Variants in TRDMT1 observed in about 807,000 individuals in gnomAD.
TRDMT1 encodes tRNA aspartic acid methyltransferase 1.
In TRDMT1, 49 loss-of-function variants were observed where a neutral mutation model predicts 51.2. The ratio of observed to expected loss-of-function variants is 0.96; its 90% CI spans 0.76 to 1.21. TRDMT1 has a LOEUF of 1.21. Ranked by LOEUF, TRDMT1 falls within the 50% of genes most tolerant of loss-of-function variation. The pLI, the probability that TRDMT1 is intolerant of heterozygous loss-of-function variation, is 0.00. For missense variants in TRDMT1, 534 were observed against 462.3 expected, an observed-to-expected ratio of 1.16 and a Z score of -1.42; for synonymous variants, 187 against 164.6, an observed-to-expected ratio of 1.14 and a Z score of -1.04.
At chr10:17,179,835 T>C (rs1843054791) in intron 1 of TRDMT1, among the ~76,000 whole-genome samples, 1 of 151,772 alleles carries the variant, frequency 6.6e-6, no homozygotes, top group Admixed American at 6.6e-5. Flanking sequence ...AAAGCTTTCC[T>C]GACCTTGCTA....
intron 1 of TRDMT1, among the ~76,000 whole-genome samples, chr10:17,183,617 C>G (rs1843539480): frequency 6.6e-6 from 1 of 152,132 alleles, no homozygotes; most frequent in Non-Finnish European, 1.5e-5. Context: ...CAGGGTTTCA[C>G]CACATTGGCC....
intron 1 of TRDMT1, among the ~76,000 whole-genome samples, chr10:17,186,083 A>ATAAATAAATAAG (rs1843867809): frequency 1.3e-5 from 2 of 149,286 alleles, no homozygotes; most frequent in South Asian, 4.2e-4. Context: ...AAATAAATAA[A>ATAAATAAATAAG]TAAATATGGT....
intron 1 of TRDMT1, among the ~76,000 whole-genome samples, chr10:17,187,534 A>C (rs368286891): frequency 6.6e-6 from 1 of 152,216 alleles, no homozygotes; most frequent in East Asian, 1.9e-4. Flanking sequence ...GTGCTTTTAG[A>C]TCCAAGGATA....
In TRDMT1 at chr10:17,144,651, T is replaced by C. The variant is rs978788998; in HGVS notation, c.*4389A>G. 1.0e-6 allele frequency: 1 copy of C among 985,134 alleles called. No homozygotes were observed. The highest frequency in any genetic ancestry group is 1.2e-6 in the Non-Finnish European group (1 of 829,850). The allele number at this position is 985,134 out of a possible 1,614,324, so 61.0% of individuals were successfully genotyped here. A position where few individuals can be genotyped will look rare whatever the true frequency, so the allele number is the denominator to read the frequency against. On this transcript the variant is annotated 3_prime_UTR_variant, in exon 11 of 11. Coordinates refer to ENST00000377799, the MANE Select transcript of TRDMT1 (RefSeq NM_004412.7). ...TACATGCTCATATTTCTTGAACAAA[T>C]ATATTTAAAAAGAAATAAATTCACA...
In TRDMT1 at chr10:17,162,493, G is replaced by C. The variant is rs149846244; in HGVS notation, c.252-256C>G. ...GAGGTGAGGCAGGTGGATCACGTGA[G>C]GCCAGGAGTTCGGGACCAGCCTGGC... On this transcript the variant is annotated intron_variant, in intron 3 of 10. Coordinates refer to ENST00000377799, the MANE Select transcript of TRDMT1 (RefSeq NM_004412.7). 7.9e-3 allele frequency among the ~76,000 whole-genome samples: 1,199 copies of C among 152,256 alleles called. 15 individuals carry two copies. The highest frequency in any genetic ancestry group is 0.027 in the African/African-American group (1,131 of 41,550).
intron 9 of TRDMT1, 82 bp from the exon 10 acceptor site, chr10:17,153,718 G>C: frequency 7.1e-7 from 1 of 1,398,622 alleles, no homozygotes; most frequent in East Asian, 2.4e-5. Flanking sequence ...GTTGAAACTC[G>C]ATGGACATAC....
intron 2 of TRDMT1, chr10:17,169,179 C>G: frequency 1.8e-6 from 1 of 542,376 alleles, no homozygotes; most frequent in Non-Finnish European, 2.9e-6. Context: ...TTTCCTGGAT[C>G]CTAAGCACAT....
intron 10 of TRDMT1, among the ~76,000 whole-genome samples, chr10:17,149,599 T>C (rs1838431939): frequency 6.6e-6 from 1 of 152,148 alleles, no homozygotes; most frequent in Admixed American, 6.6e-5. Context: ...TTCCAGAATA[T>C]TTTCATTTCT....
At chr10:17,189,277 A>G (rs570944324) in intron 1 of TRDMT1, among the ~76,000 whole-genome samples, 1 of 152,326 alleles carries the variant, frequency 6.6e-6, no homozygotes, top group Non-Finnish European at 1.5e-5. Context: ...TGGGATCACA[A>G]GCGTTTTGAA....
chr10:17,200,297 A>T (rs1292318322), intron 1 of TRDMT1, among the ~76,000 whole-genome samples: 1 of 152,236 alleles, frequency 6.6e-6, no homozygotes, highest in Non-Finnish European at 1.5e-5. Flanking sequence ...GAGTTTCAAG[A>T]TATGGGAAAA....
At chr10:17,162,378 T>C (rs1564284183) in intron 3 of TRDMT1, 141 bp from the exon 4 acceptor site, 8 of 725,026 alleles carry the variant, frequency 1.1e-5, no homozygotes, top group Non-Finnish European at 1.3e-5. Flanking sequence ...GTCATCTTTG[T>C]TGTTACAGAG....
intron 3 of TRDMT1, among the ~76,000 whole-genome samples, chr10:17,166,600 T>C (rs1588568086): frequency 6.6e-6 from 1 of 152,378 alleles, no homozygotes; most frequent in South Asian, 2.1e-4. Flanking sequence ...TCATACCTGA[T>C]GGCAGGACCA....
At chr10:17,187,005 A>C (rs7921162) in intron 1 of TRDMT1, among the ~76,000 whole-genome samples, 1 of 152,060 alleles carries the variant, frequency 6.6e-6, no homozygotes, top group Non-Finnish European at 1.5e-5. Context: ...CACCAGTGTT[A>C]TGTCAGTGTT....
In TRDMT1 at chr10:17,148,984, T is replaced by G. The variant is rs1838350003; in HGVS notation, c.*56A>C. ...ATTAGTTCAAAACAGAATTTCAGAA[T>G]TACTCTCTGAAAATGAAGGAATATC... On this transcript the variant is annotated 3_prime_UTR_variant, in exon 11 of 11. Transcript: ENST00000377799. The G allele has an allele frequency of 4.0e-6, 6 of 1,491,530 alleles. No homozygotes were observed. Among genetic ancestry groups the G allele is most frequent in the Non-Finnish European group, 5.4e-6 (6 of 1,113,158 alleles). The allele number at this position is 1,491,530 out of a possible 1,614,324, so 92.4% of individuals were successfully genotyped here. A position where few individuals can be genotyped will look rare whatever the true frequency, so the allele number is the denominator to read the frequency against.
At position 17,137,363 on chromosome 10, in the gene TRDMT1, C is replaced by T. The variant is rs1387708340; in HGVS notation, c.*11677G>A. ...AATTTGAAAGAAGTAAATTTATTGA[C>T]CTTCTCTGATTTACAATAAAGTCGT... On this transcript the variant is annotated 3_prime_UTR_variant, in exon 11 of 11. Transcript: ENST00000377799. The T allele has an allele frequency of 1.3e-5, 2 of 152,260 alleles. No homozygotes were observed. The highest frequency in any genetic ancestry group is 3.9e-4 in the East Asian group (2 of 5,178). 9.4% of individuals were successfully genotyped at this position (152,260 alleles called of 1,614,324 possible).
chr10:17,201,444 G>T (rs1846153246), intron 1 of TRDMT1, 127 bp downstream of exon 1: 6 of 835,788 alleles, frequency 7.2e-6, no homozygotes, highest in Non-Finnish European at 1.1e-5. Flanking sequence ...ACAACCGAGG[G>T]CCGCCCCACA....
intron 1 of TRDMT1, among the ~76,000 whole-genome samples, chr10:17,174,876 A>G (rs7091104): frequency 0.95 from 144,295 of 152,280 alleles, 68,740 homozygotes; most frequent in Non-Finnish European, 1. Context: ...GCATTCCAAT[A>G]CTAAAGAGAA....
intron 10 of TRDMT1, 113 bp downstream of exon 10, chr10:17,153,394 G>T: frequency 8.1e-7 from 1 of 1,229,092 alleles, no homozygotes; most frequent in Non-Finnish European, 1.1e-6. Context: ...GATCAGGAAA[G>T]GAAAGAGGTT....
intron 1 of TRDMT1, 135 bp downstream of exon 1, chr10:17,201,436 A>C: frequency 1.2e-6 from 1 of 829,760 alleles, no homozygotes; most frequent in South Asian, 1.9e-5. Context: ...TTTCCAGGAC[A>C]ACCGAGGGCC....
Sources: allele counts gnomAD v4.1 joint callset (sites outside exome capture counted in the v4.1 genomes callset), GRCh38; gene constraint gnomAD v4.1.1; transcripts MANE v1.5; gene names NCBI Gene and HGNC (gene_info 2026-07-23, HGNC 2026-07-21).